Variants in ANK1 observed in about 807,000 individuals in gnomAD.
ANK1 encodes the protein ankyrin-1.
ANK1 carries 51 observed loss-of-function variants against 210.4 expected under a neutral mutation model. The observed-to-expected ratio is 0.24, with a 90% confidence interval of 0.19 to 0.31. ANK1 has a LOEUF of 0.31. Among genes scored for constraint, ANK1 ranks in the 10% least tolerant of loss-of-function variants. The pLI is 1.00. For missense variants in ANK1, 2,051 were observed against 2,504.4 expected, an observed-to-expected ratio of 0.82 and a Z score of 3.86; for synonymous variants, 967 against 1,025.9, an observed-to-expected ratio of 0.94 and a Z score of 1.10.
intron 38 of ANK1, among the ~76,000 whole-genome samples, chr8:41,671,307 G>T (rs941019829): frequency 6.6e-6 from 1 of 152,148 alleles, no homozygotes; most frequent in South Asian, 2.1e-4. Context: ...TATCAGCTCC[G>T]TCACATGCAG....
chr8:41,763,738 G>A (rs1036167081), intron 1 of ANK1, among the ~76,000 whole-genome samples: 2 of 152,078 alleles, frequency 1.3e-5, no homozygotes, highest in African/African-American at 2.4e-5. Context: ...TCTCTAGAAG[G>A]GAACCATCTA....
upstream of ANK1, among the ~76,000 whole-genome samples, chr8:41,799,873 C>T (rs979056605): frequency 3.3e-5 from 5 of 152,118 alleles, no homozygotes; most frequent in East Asian, 1.9e-4. Context: ...TTCAGGGAGC[C>T]GGACTCACGA....
chr8:41,763,887 T>TG (rs1563703254), intron 1 of ANK1, among the ~76,000 whole-genome samples: 53 of 108,400 alleles, frequency 4.9e-4, no homozygotes, highest in Non-Finnish European at 8.7e-4. Flanking sequence ...TTTTCTTTTT[T>TG]TCTTTTTTTT....
chr8:41,827,753 C>G (rs1805679666), intron 1 of ANK1, among the ~76,000 whole-genome samples: 1 of 146,630 alleles, frequency 6.8e-6, no homozygotes, highest in Non-Finnish European at 1.5e-5. Context: ...CATACATACA[C>G]CCACTCACAC....
intron 1 of ANK1, among the ~76,000 whole-genome samples, chr8:41,770,244 T>A (rs780278548): frequency 3.9e-5 from 6 of 152,164 alleles, no homozygotes; most frequent in Non-Finnish European, 5.9e-5. Flanking sequence ...CGGCCTCCCA[T>A]GTTGTTGGGA....
intron 1 of ANK1, among the ~76,000 whole-genome samples, chr8:41,838,330 C>T (rs1808168670): frequency 1.3e-5 from 2 of 152,224 alleles, no homozygotes; most frequent in African/African-American, 4.8e-5. Flanking sequence ...GGTTTCCACG[C>T]TGTAGGACCT....
chr8:41,721,797 G>A (rs1829352305), intron 9 of ANK1, among the ~76,000 whole-genome samples: 1 of 152,086 alleles, frequency 6.6e-6, no homozygotes, highest in Non-Finnish European at 1.5e-5. Flanking sequence ...AAGGTGGACT[G>A]AGCTAACTCA....
intron 37 of ANK1, among the ~76,000 whole-genome samples, chr8:41,681,225 A>G (rs1815892201): frequency 6.6e-6 from 1 of 152,258 alleles, no homozygotes; most frequent in Non-Finnish European, 1.5e-5. Flanking sequence ...TTTATTTCCA[A>G]GTAGACATTA....
At chr8:41,886,731 A>G (rs138442353) in intron 1 of ANK1, among the ~76,000 whole-genome samples, 1 of 152,320 alleles carries the variant, frequency 6.6e-6, no homozygotes, top group East Asian at 1.9e-4. Flanking sequence ...AAAGACAGCA[A>G]TAAGACAGGA....
chr8:41,855,537 C>T (rs1812037646), intron 1 of ANK1, among the ~76,000 whole-genome samples: 1 of 152,220 alleles, frequency 6.6e-6, no homozygotes, highest in South Asian at 2.1e-4. Context: ...GAGGAACCCA[C>T]AGAGCCACTG....
At chr8:41,890,457 C>A (rs940369239) in intron 1 of ANK1, among the ~76,000 whole-genome samples, 1 of 152,142 alleles carries the variant, frequency 6.6e-6, no homozygotes, top group Middle Eastern at 3.2e-3. Context: ...GCCTGTAATC[C>A]CAGCACTTTG....
At chr8:41,877,504 G>A (rs1816805244) in intron 1 of ANK1, among the ~76,000 whole-genome samples, 1 of 152,250 alleles carries the variant, frequency 6.6e-6, no homozygotes, top group Admixed American at 6.5e-5. Context: ...TATTTTGATG[G>A]ATATACACTT....
Position 41,699,440 on chromosome 8 carries a change from A to C in ANK1, c.2558+12T>G, listed in dbSNP as rs780858028. 1 of 1,613,430 alleles carries C rather than the reference A, an allele frequency of 6.2e-7. No homozygotes were observed. ...CGGCACCCCCGGGGACCCTCCCGGG[A>C]GCACTGCTCACACTTGGTCTAGCTT... On this transcript the variant is annotated intron_variant, in intron 23 of 42. Transcript: ENST00000289734.
At chr8:41,741,240 G>A (rs193257701) in intron 2 of ANK1, among the ~76,000 whole-genome samples, 20 of 152,328 alleles carry the variant, frequency 1.3e-4, no homozygotes, top group Admixed American at 3.3e-4. Context: ...ATCTGGAGAA[G>A]CGGTGAAAGC....
chr8:41,787,742 G>A (rs1176133312), intron 1 of ANK1, among the ~76,000 whole-genome samples: 1 of 152,190 alleles, frequency 6.6e-6, no homozygotes, highest in Non-Finnish European at 1.5e-5. Context: ...TTGAGCCCAG[G>A]AGGTGGAGGC....
intron 16 of ANK1, among the ~76,000 whole-genome samples, chr8:41,711,388 C>A (rs1439163516): frequency 6.6e-6 from 1 of 152,238 alleles, no homozygotes; most frequent in Non-Finnish European, 1.5e-5. Context: ...CCTTGCTATA[C>A]CCACTCCCTT....
At position 41,696,705 on chromosome 8, in the gene ANK1, G is replaced by T; in HGVS notation, c.2706C>A (p.Ile902=). The T allele has an allele frequency of 6.2e-7, 1 of 1,603,352 alleles. No homozygotes were observed. ...SSPATETSDN[I]SPVASPVHTG... Reference sequence around the variant, plus strand: ...TATGCACCGGGCTGGCCACCGGGCTGATGTTGTCTGAGGTCTCGGTGGCCG... The same window carrying T: ...TATGCACCGGGCTGGCCACCGGGCTTATGTTGTCTGAGGTCTCGGTGGCCG... The change falls in exon 25 of 43, where the codon ATC becomes ATA. Residue 902 remains isoleucine (I), a synonymous_variant. Transcript: ENST00000289734.
At chr8:41,701,728 GA>G in intron 21 of ANK1, 106 bp from the exon 22 acceptor site, 1 of 1,205,104 alleles carries the variant, frequency 8.3e-7, no homozygotes, top group Non-Finnish European at 1.2e-6. Flanking sequence ...CACAAATGAA[GA>G]AAAACAGACG....
intron 2 of ANK1, among the ~76,000 whole-genome samples, chr8:41,751,784 C>T (rs1837766601): frequency 6.6e-6 from 1 of 152,188 alleles, no homozygotes; most frequent in African/African-American, 2.4e-5. Flanking sequence ...CTATCCTCCA[C>T]ACAGCAGCGA....
Sources: gnomAD v4.1 joint callset for allele counts (sites outside exome capture counted in the v4.1 genomes callset) on GRCh38, gnomAD v4.1.1 for gene constraint, MANE v1.5 for transcripts, NCBI Gene and HGNC (gene_info 2026-07-23, HGNC 2026-07-21) for gene names.